CTNNA3: variants seen among roughly 807,000 people sequenced by gnomAD.
The protein encoded by CTNNA3 is catenin alpha 3, also known as catenin alpha-3.
A neutral mutation model predicts 95.7 loss-of-function variants in CTNNA3; 76 were observed. The ratio of observed to expected loss-of-function variants is 0.79; its 90% CI spans 0.66 to 0.96. CTNNA3 has a LOEUF of 0.96. CTNNA3 is among the 40% of genes least tolerant of loss of function. CTNNA3 has a pLI of 0.00. For missense variants in CTNNA3, 1,191 were observed against 1,089.8 expected (o/e 1.09, Z -1.31); for synonymous variants, 431 against 374.4 (o/e 1.15, Z -1.74).
At chr10:66,043,128 G>C (rs1386207744) in intron 15 of CTNNA3, among the ~76,000 whole-genome samples, 1 of 90,608 alleles carries the variant, frequency 1.1e-5, no homozygotes, top group African/African-American at 3.9e-5. Context: ...TAGCTATCCG[G>C]GTAATGAAAA....
intron 17 of CTNNA3, among the ~76,000 whole-genome samples, chr10:65,930,953 C>T (rs2077243476): frequency 6.6e-6 from 1 of 152,066 alleles, no homozygotes; most frequent in Non-Finnish European, 1.5e-5. Context: ...ATATACTGTA[C>T]ATGTTTATAT....
chr10:67,598,291 T>C (rs1305767826), intron 3 of CTNNA3, among the ~76,000 whole-genome samples: 1 of 152,092 alleles, frequency 6.6e-6, no homozygotes, highest in Non-Finnish European at 1.5e-5. Context: ...ATGGGGATCA[T>C]GGGGTCTCCT....
At chr10:65,975,117 C>T (rs935449087) in intron 16 of CTNNA3, among the ~76,000 whole-genome samples, 2 of 152,034 alleles carry the variant, frequency 1.3e-5, no homozygotes, top group Admixed American at 6.6e-5. Context: ...GAACACATTA[C>T]CCTGAGTCAA....
chr10:67,533,555 T>C (rs1441041537), intron 4 of CTNNA3, among the ~76,000 whole-genome samples: 1 of 152,212 alleles, frequency 6.6e-6, no homozygotes, highest in African/African-American at 2.4e-5. Flanking sequence ...CTCTGTCCCC[T>C]ATTACCTTTC....
In CTNNA3 at chr10:65,929,577, T is replaced by G. The variant is rs139946483; in HGVS notation, c.2401-8960A>C. Among the ~76,000 whole-genome samples, 637 of 151,858 alleles carry G rather than the reference T, an allele frequency of 4.2e-3. 5 individuals are homozygous for G. The highest frequency in any genetic ancestry group is 0.015 in the African/African-American group (611 of 41,476). ...CTATAGCTTTTCTTTCTTTCTTTTT[T>G]TTTTTTTTGGAGACAGAGTCTCCCT... is the stretch of plus-strand genomic sequence containing the variant. On this transcript the variant is annotated intron_variant, in intron 17 of 17. Transcript: ENST00000433211.
At position 67,651,677 on chromosome 10, in the gene CTNNA3, C is replaced by A. The variant is rs571153586; in HGVS notation, c.-5-4159G>T. 1.8e-4 allele frequency among the ~76,000 whole-genome samples: 28 copies of A among 152,142 alleles called. 1 individual carries two copies. The South Asian group carries it at 5.6e-3, about 30-fold the overall frequency. On this transcript the variant is annotated intron_variant, in intron 1 of 17. Transcript: ENST00000433211. ...AAATAATCTACCTTTTTCATTTCGTCAAAAATATAGATATATCATGAAGAG... is the reference window on the plus strand; with the variant it reads ...AAATAATCTACCTTTTTCATTTCGTAAAAAATATAGATATATCATGAAGAG...
chr10:67,224,000 A>G (rs1380147082), intron 5 of CTNNA3, among the ~76,000 whole-genome samples: 1 of 149,598 alleles, frequency 6.7e-6, no homozygotes, highest in Non-Finnish European at 1.5e-5. Flanking sequence ...GTACTATATG[A>G]TGCTTTCATA....
At chr10:66,065,572 T>C (rs1258671769) in intron 15 of CTNNA3, among the ~76,000 whole-genome samples, 1 of 152,182 alleles carries the variant, frequency 6.6e-6, no homozygotes, top group Non-Finnish European at 1.5e-5. Flanking sequence ...TTTTTAATCA[T>C]TATCTTCAAG....
At position 66,424,951 on chromosome 10, in the gene CTNNA3, T is replaced by C. The variant is rs143659902; in HGVS notation, c.1532-45599A>G. Among the ~76,000 whole-genome samples the C allele has an allele frequency of 1.5e-3, 221 of 152,150 alleles. 3 individuals are homozygous for C. In the South Asian group the frequency reaches 0.027, roughly 19 times the overall value. ...TGCAACAAAGCAAGACCCATCTCTA[T>C]AAAAAATTAAAAATTAAAACTCATT... On this transcript the variant is annotated intron_variant, in intron 11 of 17. Transcript: ENST00000433211.
chr10:67,405,094 T>C (rs1195069172), intron 5 of CTNNA3, among the ~76,000 whole-genome samples: 1 of 152,036 alleles, frequency 6.6e-6, no homozygotes, highest in African/African-American at 2.4e-5. Context: ...GTTGCCAGCC[T>C]CTACAAAAAT....
intron 5 of CTNNA3, among the ~76,000 whole-genome samples, chr10:67,493,966 G>A (rs909864644): frequency 6.6e-6 from 1 of 152,160 alleles, no homozygotes; most frequent in African/African-American, 2.4e-5. Flanking sequence ...AAAATGAAAA[G>A]TTGACAGTAA....
chr10:67,203,464 A>T (rs1564969508), intron 6 of CTNNA3, among the ~76,000 whole-genome samples: 2 of 152,168 alleles, frequency 1.3e-5, no homozygotes, highest in Non-Finnish European at 2.9e-5. Flanking sequence ...TAACAGTGTG[A>T]GAACAGACTA....
intron 9 of CTNNA3, among the ~76,000 whole-genome samples, chr10:66,641,485 CTT>C (rs1288219750): frequency 6.6e-6 from 1 of 152,102 alleles, no homozygotes; most frequent in Non-Finnish European, 1.5e-5. Flanking sequence ...TGATTGTTGT[CTT>C]AAGTCACCAC....
intron 9 of CTNNA3, among the ~76,000 whole-genome samples, chr10:66,744,993 T>C (rs1349859256): frequency 1.3e-5 from 2 of 152,290 alleles, no homozygotes; most frequent in Middle Eastern, 3.4e-3. Context: ...ACACAAAAGC[T>C]CTTTAAAAGC....
At chr10:66,830,962 G>GA (rs146547582) in intron 7 of CTNNA3, among the ~76,000 whole-genome samples, 22,173 of 151,566 alleles carry the variant, frequency 0.15, 1,701 homozygotes, top group Non-Finnish European at 0.17. Flanking sequence ...ATAAAAAAGG[G>GA]AAAAAAAAGA....
At chr10:66,174,843 T>C (rs1019096781) in intron 13 of CTNNA3, among the ~76,000 whole-genome samples, 2 of 152,160 alleles carry the variant, frequency 1.3e-5, no homozygotes, top group Non-Finnish European at 2.9e-5. Context: ...TGTTCTTCAA[T>C]GCATTTCCAA....
intron 11 of CTNNA3, among the ~76,000 whole-genome samples, chr10:66,476,197 T>C (rs1005142238): frequency 7.5e-6 from 1 of 133,948 alleles, no homozygotes; most frequent in East Asian, 2.2e-4. Flanking sequence ...GAATGACACA[T>C]GAGTCTTATC....
At chr10:67,193,809 A>G (rs879686177) in intron 6 of CTNNA3, among the ~76,000 whole-genome samples, 15 of 152,066 alleles carry the variant, frequency 9.9e-5, no homozygotes, top group Admixed American at 9.2e-4. Context: ...ATATGTGTGC[A>G]TGTGTCTTTA....
At chr10:67,050,332 C>T (rs1283248711) in intron 7 of CTNNA3, among the ~76,000 whole-genome samples, 1 of 152,146 alleles carries the variant, frequency 6.6e-6, no homozygotes, top group Admixed American at 6.6e-5. Context: ...GTTCGGTCTA[C>T]TTTTTCTTTT....
Sources: gnomAD v4.1 joint callset for allele counts (sites outside exome capture counted in the v4.1 genomes callset) on GRCh38, gnomAD v4.1.1 for gene constraint, MANE v1.5 for transcripts, NCBI Gene and HGNC (gene_info 2026-07-23, HGNC 2026-07-21) for gene names.